The following CACNB2 variants were observed in gnomAD, a reference collection of about 807,000 sequenced individuals.
CACNB2 encodes the protein calcium voltage-gated channel auxiliary subunit beta 2, also known as voltage-dependent L-type calcium channel subunit beta-2.
CACNB2 carries 42 observed loss-of-function variants against 73.3 expected under a neutral mutation model. The ratio of observed to expected loss-of-function variants is 0.57; its 90% confidence interval spans 0.45 to 0.74. CACNB2 has a LOEUF of 0.74. Among genes scored for constraint, CACNB2 ranks in the 30% least tolerant of loss-of-function variants. The pLI is 0.00. For missense variants in CACNB2, 940 were observed against 853.0 expected (o/e 1.10, Z -1.27); for synonymous variants, 348 against 310.3 (o/e 1.12, Z -1.28).
chr10:18,538,107 T>C (rs1589768988), intron 12 of CACNB2, 73 bp from the exon 13 acceptor site: 4 of 1,421,538 alleles, frequency 2.8e-6, no homozygotes, highest in Non-Finnish European at 4.0e-6. Context: ...AGCCCCTTCC[T>C]CCTCTTATGG....
At chr10:18,194,885 A>G (rs1045778600) in intron 2 of CACNB2, among the ~76,000 whole-genome samples, 4 of 152,144 alleles carry the variant, frequency 2.6e-5, no homozygotes, top group African/African-American at 9.7e-5. Flanking sequence ...TTCACTTTAT[A>G]GTGATGTTGA....
At chr10:18,281,663 G>A (rs1479528926) in intron 2 of CACNB2, among the ~76,000 whole-genome samples, 1 of 152,078 alleles carries the variant, frequency 6.6e-6, no homozygotes. Flanking sequence ...ACTTAGTGTA[G>A]GTAATTTCCT....
At chr10:18,195,438 A>G (rs1330219412) in intron 2 of CACNB2, among the ~76,000 whole-genome samples, 5 of 152,196 alleles carry the variant, frequency 3.3e-5, no homozygotes, top group African/African-American at 1.2e-4. Context: ...AGTGGGACCA[A>G]TCAGGCGAGA....
intron 2 of CACNB2, among the ~76,000 whole-genome samples, chr10:18,218,836 A>C (rs1001561830): frequency 2.0e-5 from 3 of 152,000 alleles, no homozygotes; most frequent in Admixed American, 6.6e-5. Flanking sequence ...ACTGCACCCC[A>C]GCCTGGGTGA....
At chr10:18,442,696 G>T (rs1463647113) in intron 3 of CACNB2, among the ~76,000 whole-genome samples, 8 of 150,568 alleles carry the variant, frequency 5.3e-5, no homozygotes, top group Non-Finnish European at 1.0e-4. Context: ...GTGGTGGCAC[G>T]TGCCTGTAAT....
At chr10:18,351,108 T>C (rs2041686710) in intron 2 of CACNB2, among the ~76,000 whole-genome samples, 1 of 152,000 alleles carries the variant, frequency 6.6e-6, no homozygotes, top group Admixed American at 6.6e-5. Flanking sequence ...AAAAACAAAG[T>C]AAATATATTT....
At chr10:18,449,172 G>C (rs1042717029) in intron 3 of CACNB2, among the ~76,000 whole-genome samples, 2 of 152,038 alleles carry the variant, frequency 1.3e-5, no homozygotes, top group Non-Finnish European at 2.9e-5. Context: ...ATCACGAGGT[G>C]AGGAGATCAA....
At chr10:18,266,612 G>A (rs1343589315) in intron 2 of CACNB2, among the ~76,000 whole-genome samples, 2 of 152,096 alleles carry the variant, frequency 1.3e-5, no homozygotes. Flanking sequence ...GAGCGGGCCG[G>A]GCACGGTGGC....
intron 2 of CACNB2, among the ~76,000 whole-genome samples, chr10:18,354,740 A>G (rs1261075953): frequency 6.6e-6 from 1 of 152,156 alleles, no homozygotes; most frequent in Non-Finnish European, 1.5e-5. Context: ...AGAGCAGGTG[A>G]TGGGCAGTAG....
At chr10:18,441,407 A>T (rs1440284451) in intron 3 of CACNB2, among the ~76,000 whole-genome samples, 2 of 152,174 alleles carry the variant, frequency 1.3e-5, no homozygotes, top group Admixed American at 6.5e-5. Flanking sequence ...CCATCTCAAA[A>T]AAATAAATAA....
intron 1 of CACNB2, among the ~76,000 whole-genome samples, chr10:18,149,413 C>T (rs2031308566): frequency 1.3e-5 from 2 of 152,066 alleles, no homozygotes; most frequent in East Asian, 1.9e-4. Context: ...GCTTTCTTGC[C>T]GTTTATGAAG....
At chr10:18,431,435 A>G (rs1244818714) in intron 3 of CACNB2, among the ~76,000 whole-genome samples, 1 of 151,962 alleles carries the variant, frequency 6.6e-6, no homozygotes, top group East Asian at 1.9e-4. Context: ...GTAAAAATCT[A>G]TTGCCTTTTC....
chr10:18,488,461 C>G (rs1009549685), intron 3 of CACNB2, among the ~76,000 whole-genome samples: 2 of 105,408 alleles, frequency 1.9e-5, no homozygotes, highest in Non-Finnish European at 3.4e-5. Flanking sequence ...GGCGACAGAG[C>G]GAGACTCCAT....
intron 2 of CACNB2, among the ~76,000 whole-genome samples, chr10:18,195,019 A>AT (rs544860720): frequency 6.6e-6 from 1 of 152,102 alleles, no homozygotes; most frequent in African/African-American, 2.4e-5. Context: ...ATGGTCTCAA[A>AT]TTTTTTTTCC....
chr10:18,187,347 C>T (rs16916932), intron 2 of CACNB2, among the ~76,000 whole-genome samples: 9,828 of 152,212 alleles, frequency 0.065, 401 homozygotes, highest in East Asian at 0.23. Context: ...TCTGAAAAAG[C>T]CCATCCAATT....
intron 2 of CACNB2, among the ~76,000 whole-genome samples, chr10:18,227,911 T>G (rs947077191): frequency 6.6e-6 from 1 of 152,122 alleles, no homozygotes; most frequent in Non-Finnish European, 1.5e-5. Flanking sequence ...GTCACTTTTG[T>G]CTCCACTCCA....
intron 2 of CACNB2, among the ~76,000 whole-genome samples, chr10:18,222,564 T>A (rs1177762923): frequency 6.6e-6 from 1 of 152,332 alleles, no homozygotes; most frequent in East Asian, 1.9e-4. Flanking sequence ...GTAGTACCGA[T>A]CATTTAGAGA....
At chr10:18,438,948 C>T (rs919411142) in intron 3 of CACNB2, among the ~76,000 whole-genome samples, 2 of 152,188 alleles carry the variant, frequency 1.3e-5, no homozygotes, top group South Asian at 2.1e-4. Flanking sequence ...TGGCAGGGCA[C>T]GGAATAGAAT....
chr10:18,333,052 A>C (rs1346171789), intron 2 of CACNB2, among the ~76,000 whole-genome samples: 1 of 152,194 alleles, frequency 6.6e-6, no homozygotes, highest in Non-Finnish European at 1.5e-5. Context: ...GAATTGCTTG[A>C]AGTGGCAGCT....
Sources: allele counts gnomAD v4.1 joint callset (sites outside exome capture counted in the v4.1 genomes callset), GRCh38; gene constraint gnomAD v4.1.1; transcripts MANE v1.5; gene names NCBI Gene and HGNC (gene_info 2026-07-23, HGNC 2026-07-21).